Variants in COL5A2 observed in about 807,000 individuals in gnomAD.
The protein encoded by COL5A2 is collagen type V alpha 2 chain.
In COL5A2, 23 loss-of-function variants were observed where a neutral mutation model predicts 208.2. The observed-to-expected ratio is 0.11, with a 90% CI of 0.08 to 0.16. The LOEUF is 0.16. COL5A2 is among the 10% of genes least tolerant of loss of function. COL5A2 has a pLI of 1.00. For synonymous variants in COL5A2, 625 were observed against 628.5 expected (o/e 0.99, Z 0.08); for missense variants, 1,590 against 1,956.4 (o/e 0.81, Z 3.53).
At chr2:189,215,335 A>G (rs1689266243) in intron 1 of COL5A2, among the ~76,000 whole-genome samples, 1 of 152,194 alleles carries the variant, frequency 6.6e-6, no homozygotes, top group Admixed American at 6.5e-5. Flanking sequence ...GCCACTAAGC[A>G]GAAGTGTCTA....
the COL5A2 span, among the ~76,000 whole-genome samples, chr2:189,324,443 T>C: frequency 6.6e-6 from 1 of 152,084 alleles, no homozygotes; most frequent in Non-Finnish European, 1.5e-5. Flanking sequence ...ATCCAGAATC[T>C]ACAAAGAACT....
the COL5A2 span, among the ~76,000 whole-genome samples, chr2:189,382,282 G>C: frequency 1.3e-5 from 2 of 152,028 alleles, no homozygotes. Context: ...ACCCGAGCCC[G>C]GGGAGGTCAA....
intron 1 of COL5A2, among the ~76,000 whole-genome samples, chr2:189,173,384 G>C (rs946610267): frequency 6.6e-6 from 1 of 152,050 alleles, no homozygotes; most frequent in Admixed American, 6.6e-5. Context: ...AAGCCACCTT[G>C]ATTTATTTGA....
At chr2:189,238,641 C>T in the COL5A2 span, among the ~76,000 whole-genome samples, 1 of 152,094 alleles carries the variant, frequency 6.6e-6, no homozygotes, top group South Asian at 2.1e-4. Flanking sequence ...CCTCAGGAAA[C>T]TTACAATCAT....
intron 1 of COL5A2, among the ~76,000 whole-genome samples, chr2:189,137,853 A>G (rs965964514): frequency 2.0e-5 from 3 of 152,198 alleles, no homozygotes; most frequent in African/African-American, 7.2e-5. Flanking sequence ...ATAGAAATCA[A>G]TATTTGTGTT....
the COL5A2 span, among the ~76,000 whole-genome samples, chr2:189,310,203 A>G: frequency 4.6e-5 from 7 of 152,194 alleles, no homozygotes; most frequent in Admixed American, 4.6e-4. Context: ...ATAATGCCAC[A>G]ACGTGGTTTT....
At chr2:189,239,631 A>C in the COL5A2 span, among the ~76,000 whole-genome samples, 1 of 61,894 alleles carries the variant, frequency 1.6e-5, no homozygotes, top group Non-Finnish European at 2.9e-5. Flanking sequence ...GGGTGGGGGG[A>C]GGGGGGAGGG....
At chr2:189,230,620 A>G in the COL5A2 span, among the ~76,000 whole-genome samples, 40 of 152,044 alleles carry the variant, frequency 2.6e-4, no homozygotes, top group Non-Finnish European at 4.3e-4. Context: ...ATGCAAATCA[A>G]AGCAAAAATG....
chr2:189,440,916 TAG>T, the COL5A2 span, among the ~76,000 whole-genome samples: 2 of 152,148 alleles, frequency 1.3e-5, no homozygotes, highest in Non-Finnish European at 2.9e-5. Flanking sequence ...GGAAGAAAGC[TAG>T]GCCCTAGGAC....
chr2:189,394,257 A>G, the COL5A2 span, among the ~76,000 whole-genome samples: 1 of 149,812 alleles, frequency 6.7e-6, no homozygotes, highest in African/African-American at 2.5e-5. Flanking sequence ...AAAGATTTTG[A>G]AAAAAAAACA....
chr2:189,334,336 T>C, the COL5A2 span, among the ~76,000 whole-genome samples: 2 of 151,904 alleles, frequency 1.3e-5, no homozygotes, highest in Non-Finnish European at 2.9e-5. Context: ...AACATTATGG[T>C]ATATGAATAA....
At chr2:189,310,325 C>T in the COL5A2 span, among the ~76,000 whole-genome samples, 1 of 152,172 alleles carries the variant, frequency 6.6e-6, no homozygotes, top group African/African-American at 2.4e-5. Context: ...AGGTGCTCAA[C>T]ACCACTGATC....
the COL5A2 span, among the ~76,000 whole-genome samples, chr2:189,400,234 T>C: frequency 6.6e-6 from 1 of 152,234 alleles, no homozygotes; most frequent in African/African-American, 2.4e-5. Flanking sequence ...CTAATTAGTT[T>C]AGAAATTGCT....
chr2:189,034,073 C>A lies in COL5A2; in HGVS notation c.4497G>T (p.Val1499=). Residue 1499 remains valine (V), a synonymous_variant, in exon 54 of 54, where the codon GTG becomes GTT. Transcript: ENST00000374866. ...FGVEIGPVCF[V] Reference sequence around the variant, plus strand: ...TGTCGATGTGTCTTGGCTTACTTTACACAAAACAAACTGGCCCAATTTCAA... The same window carrying A: ...TGTCGATGTGTCTTGGCTTACTTTAAACAAAACAAACTGGCCCAATTTCAA... The A allele has an allele frequency of 6.2e-7, 1 of 1,613,928 alleles. No homozygotes were observed.
chr2:189,302,000 T>C, the COL5A2 span, among the ~76,000 whole-genome samples: 1 of 152,252 alleles, frequency 6.6e-6, no homozygotes, highest in East Asian at 1.9e-4. Context: ...TCTCCAAAAA[T>C]TGAATAACTA....
chr2:189,320,625 A>G, the COL5A2 span, among the ~76,000 whole-genome samples: 1 of 152,222 alleles, frequency 6.6e-6, no homozygotes, highest in Non-Finnish European at 1.5e-5. Flanking sequence ...AAAAAAGAAT[A>G]AGAAGAAATC....
At chr2:189,247,497 T>A in the COL5A2 span, among the ~76,000 whole-genome samples, 2 of 151,924 alleles carry the variant, frequency 1.3e-5, no homozygotes, top group Non-Finnish European at 2.9e-5. Context: ...CCTGGGGCAC[T>A]CTTATTTGCA....
chr2:189,053,386 G>C, intron 38 of COL5A2, 38 bp downstream of exon 38: 1 of 1,513,448 alleles, frequency 6.6e-7, no homozygotes, highest in Non-Finnish European at 9.2e-7. Flanking sequence ...AACAAGATAA[G>C]TGTTTATTTG....
chr2:189,248,747 T>C, the COL5A2 span, among the ~76,000 whole-genome samples: 1 of 152,162 alleles, frequency 6.6e-6, no homozygotes, highest in East Asian at 1.9e-4. Flanking sequence ...AATAGACTAA[T>C]TCATGACCCA....
Sources: allele counts gnomAD v4.1 joint callset (sites outside exome capture counted in the v4.1 genomes callset), GRCh38; gene constraint gnomAD v4.1.1; transcripts MANE v1.5; gene names NCBI Gene and HGNC (gene_info 2026-07-23, HGNC 2026-07-21).